Variants in CDK20 observed in about 807,000 individuals in gnomAD.
CDK20 encodes the protein cyclin dependent kinase 20, also known as cyclin-dependent kinase 20.
In CDK20, 40 loss-of-function variants were observed where a neutral mutation model predicts 38.6. The ratio of observed to expected loss-of-function variants is 1.04; its 90% CI spans 0.81 to 1.35. CDK20 has a LOEUF of 1.35. Ranked by LOEUF, CDK20 falls within the 40% of genes most tolerant of loss-of-function variation. The probability of loss-of-function intolerance (pLI) is 0.00; values close to 1 mark genes in which losing one functional copy is unlikely to be tolerated. For missense variants in CDK20, 512 were observed against 452.6 expected, an observed-to-expected ratio of 1.13 and a Z score of -1.19; for synonymous variants, 209 against 185.7, an observed-to-expected ratio of 1.13 and a Z score of -1.02.
rs1195840018 is a variant in CDK20, at chr9:87,971,192, C to A, written c.333G>T (p.Leu111=). The A allele has an allele frequency of 1.9e-6, 3 of 1,614,242 alleles. No individual in the cohort carries two copies. Among genetic ancestry groups the A allele is most frequent in the Admixed American group, 3.3e-5 (2 of 60,034 alleles). The part of the protein sequence containing the change: ...QAQVKSYLQM[L]LKGVAFCHAN... ...CATGGCAGAAGGCGACACCCTTGAG[C>A]AGCATCTGCAGGTAGCTCTTGACCT... The change falls in exon 3 of 8, where the codon CTG becomes CTT. Residue 111 remains leucine, a synonymous_variant. Coordinates refer to ENST00000325303, the MANE Select transcript of CDK20 (RefSeq NM_001039803.3).
At chr9:87,969,954 T>G (rs781668136) in intron 5 of CDK20, 35 bp from the exon 6 acceptor site, 2 of 1,522,508 alleles carry the variant, frequency 1.3e-6, no homozygotes, top group East Asian at 4.7e-5. Flanking sequence ...GTCAGAGATC[T>G]CCCACCATGG....
Position 87,966,705 on chromosome 9 carries a change from A to G in CDK20, c.*757T>C. 1 of 242,504 alleles carries G rather than the reference A, an allele frequency of 4.1e-6. No individual in the cohort carries two copies. The highest frequency in any genetic ancestry group is 8.2e-6 in the Non-Finnish European group (1 of 121,466). 15.0% of individuals were successfully genotyped at this position (242,504 alleles called of 1,614,324 possible). A position where few individuals can be genotyped will look rare whatever the true frequency, so the allele number is the denominator to read the frequency against. ...CTGCTTCTGGCTCACGCTCATCCTG[A>G]GGGAGTAGATGTTGGTAAACCAGCC... On this transcript the variant is annotated 3_prime_UTR_variant, in exon 8 of 8. Coordinates refer to ENST00000325303, the MANE Select transcript of CDK20 (RefSeq NM_001039803.3).
At position 87,966,823 on chromosome 9, in the gene CDK20, A is replaced by T. The variant is rs992350062; in HGVS notation, c.*639T>A. 5 of 355,250 alleles carry T rather than the reference A, an allele frequency of 1.4e-5. No individual in the cohort carries two copies. The Admixed American group carries it at 1.9e-4, about 13-fold the overall frequency. The allele number at this position is 355,250 out of a possible 1,614,324, so 22.0% of individuals were successfully genotyped here. A position where few individuals can be genotyped will look rare whatever the true frequency, so the allele number is the denominator to read the frequency against. ...CTCACTTCTAAATGAGTGCTCAGTG[A>T]TGTGAAGTACACAGGAGTCCCTCAG... On this transcript the variant is annotated 3_prime_UTR_variant, in exon 8 of 8. Coordinates refer to ENST00000325303, the MANE Select transcript of CDK20 (RefSeq NM_001039803.3).
At chr9:87,967,699 C>T (rs369111668) in intron 7 of CDK20, 40 bp from the exon 8 acceptor site, 2 of 1,439,198 alleles carry the variant, frequency 1.4e-6, no homozygotes, top group Non-Finnish European at 1.8e-6. Flanking sequence ...GGAAACTAGT[C>T]ACCTCCCTGT....
chr9:87,966,918 C>T lies in CDK20; in HGVS notation c.*544G>A. 2 of 396,840 alleles carry T rather than the reference C, an allele frequency of 5.0e-6. No homozygotes were observed. Among genetic ancestry groups the T allele is most frequent in the South Asian group, 1.9e-5 (1 of 53,944 alleles). The allele number at this position is 396,840 out of a possible 1,614,324, so 24.6% of individuals were successfully genotyped here. A position where few individuals can be genotyped will look rare whatever the true frequency, so the allele number is the denominator to read the frequency against. ...AAACGAGAGCCATGAGACAATGCCA[C>T]CTTAGCCATTTCCCTTGAGAGAAAT... On this transcript the variant is annotated 3_prime_UTR_variant, in exon 8 of 8. Transcript: ENST00000325303.
chr9:87,974,352 C>G lies in CDK20; in HGVS notation c.75+20G>C, dbSNP rs750246499. Reference sequence around the variant, plus strand: ...CGGGGGCACACCCCCGCCAGGCTGCCGGCCGCGGTCCAGCCTCACCTCCAC... The same window carrying G: ...CGGGGGCACACCCCCGCCAGGCTGCGGGCCGCGGTCCAGCCTCACCTCCAC... On this transcript the variant is annotated intron_variant, in intron 1 of 7. Transcript: ENST00000325303. 1.9e-6 allele frequency: 3 copies of G among 1,608,776 alleles called. No homozygotes were observed. Among genetic ancestry groups the G allele is most frequent in the Non-Finnish European group, 1.7e-6 (2 of 1,178,852 alleles).
intron 2 of CDK20, among the ~76,000 whole-genome samples, chr9:87,972,160 G>A (rs752728832): frequency 7.9e-5 from 12 of 152,034 alleles, no homozygotes; most frequent in Non-Finnish European, 1.3e-4. Context: ...AGACAAAATC[G>A]CACTTCTACA....
At chr9:87,971,374 C>T in intron 2 of CDK20, 39 bp from the exon 3 acceptor site, 1 of 1,568,546 alleles carries the variant, frequency 6.4e-7, no homozygotes, top group Non-Finnish European at 8.7e-7. Context: ...AGACTCAAGT[C>T]ACCAGACCCT....
chr9:87,969,606 G>A, intron 6 of CDK20, 190 bp downstream of exon 6: 2 of 923,028 alleles, frequency 2.2e-6, no homozygotes, highest in East Asian at 2.5e-5. Context: ...AAGGGACAAA[G>A]GACAGGATCT....
intron 5 of CDK20, chr9:87,970,210 G>T (rs1264691886): frequency 2.0e-5 from 9 of 439,720 alleles, no homozygotes; most frequent in Non-Finnish European, 3.6e-5. Flanking sequence ...CTATCTTCTT[G>T]CTGCAAAACA....
chr9:87,969,129 G>GT (rs1259059440), intron 7 of CDK20, 65 bp downstream of exon 7: 5 of 1,567,132 alleles, frequency 3.2e-6, no homozygotes, highest in Non-Finnish European at 4.4e-6. Flanking sequence ...TGGCTACCAA[G>GT]TACAGAGTAC....
chr9:87,971,083 C>G, intron 3 of CDK20, 64 bp downstream of exon 3: 1 of 1,562,536 alleles, frequency 6.4e-7, no homozygotes. Context: ...TTTACAAGGG[C>G]TAGCCCCATC....
chr9:87,966,730 C>T lies in CDK20; in HGVS notation c.*732G>A, dbSNP rs1829459737. ...AGGGAGTAGATGTTGGTAAACCAGC[C>T]TCATGTGCAGAGGGTCTCCTGCTGG... On this transcript the variant is annotated 3_prime_UTR_variant, in exon 8 of 8. Transcript: ENST00000325303. 3.6e-6 allele frequency: 1 copy of T among 279,010 alleles called. No homozygotes were observed. The highest frequency in any genetic ancestry group is 4.1e-5 in the South Asian group (1 of 24,624). 17.3% of individuals were successfully genotyped at this position (279,010 alleles called of 1,614,324 possible). A position where few individuals can be genotyped will look rare whatever the true frequency, so the allele number is the denominator to read the frequency against.
At chr9:87,972,634 C>T (rs1208048960) in intron 2 of CDK20, among the ~76,000 whole-genome samples, 4 of 152,290 alleles carry the variant, frequency 2.6e-5, no homozygotes, top group Admixed American at 2.0e-4. Context: ...CAAAGCCCTC[C>T]GGACTGTGGC....
chr9:87,972,719 A>G (rs925669213), intron 2 of CDK20, among the ~76,000 whole-genome samples: 4 of 152,214 alleles, frequency 2.6e-5, no homozygotes, highest in Non-Finnish European at 5.9e-5. Context: ...GAGCAAATCT[A>G]GAGTATGTTT....
intron 7 of CDK20, chr9:87,968,933 C>T (rs562712032): frequency 3.7e-5 from 18 of 492,874 alleles, no homozygotes; most frequent in Non-Finnish European, 3.6e-5. Context: ...CCCGGACACG[C>T]GCTCTCCTGA....
chr9:87,967,625 A>G lies in CDK20; in HGVS notation c.878T>C (p.Leu293Pro), dbSNP rs1165551222. The change falls in exon 8 of 8, where the codon CTG (leucine) becomes CCG (proline). Residue 293 changes from leucine to proline, a missense_variant. Transcript: ENST00000325303. ...CGGCAGCTCAGATGGATGGGCAGGC[A>G]GGGGAGCTGTGAAGAAGTACTGATG... ...LLHQYFFTAP[L>P]PAHPSELPIP... 6.7e-7 allele frequency: 1 copy of G among 1,500,604 alleles called. No homozygotes were observed. The highest frequency in any genetic ancestry group is 1.4e-5 in the African/African-American group (1 of 71,842). The allele number at this position is 1,500,604 out of a possible 1,614,324, so 93.0% of individuals were successfully genotyped here.
rs552488119 is a variant in CDK20 at position 87,966,896 on chromosome 9, C to T, written c.*566G>A. On this transcript the variant is annotated 3_prime_UTR_variant, in exon 8 of 8. Transcript: ENST00000325303. ...GCTACCCTCCCCATGACCCCAAAAACGAGAGCCATGAGACAATGCCACCTT... is the reference window on the plus strand; with the variant it reads ...GCTACCCTCCCCATGACCCCAAAAATGAGAGCCATGAGACAATGCCACCTT... The T allele has an allele frequency of 2.2e-4, 82 of 377,370 alleles. 1 individual carries two copies. Among genetic ancestry groups the T allele is most frequent in the Non-Finnish European group, 3.5e-4 (66 of 190,052 alleles). 23.4% of individuals were successfully genotyped at this position (377,370 alleles called of 1,614,324 possible). A position where few individuals can be genotyped will look rare whatever the true frequency, so the allele number is the denominator to read the frequency against.
intron 2 of CDK20, 34 bp from the exon 3 acceptor site, chr9:87,971,369 C>G (rs1349529425): frequency 1.3e-6 from 2 of 1,578,604 alleles, no homozygotes; most frequent in East Asian, 2.3e-5. Context: ...CCCCCAGACT[C>G]AAGTCACCAG....
Sources: gnomAD v4.1 joint callset for allele counts (sites outside exome capture counted in the v4.1 genomes callset) on GRCh38, gnomAD v4.1.1 for gene constraint, MANE v1.5 for transcripts, NCBI Gene and HGNC (gene_info 2026-07-23, HGNC 2026-07-21) for gene names.